The following ITGB8 variants were observed in gnomAD, a reference collection of about 807,000 sequenced individuals.
The protein encoded by ITGB8 is integrin subunit beta 8, also known as integrin beta-8.
Under a neutral mutation model 89.5 loss-of-function variants are expected in ITGB8, and 30 were observed. The ratio of observed to expected loss-of-function variants is 0.34; its 90% CI spans 0.25 to 0.45. ITGB8 has a LOEUF of 0.45. ITGB8 is among the 20% of genes least tolerant of loss of function. The pLI is 1.00. For synonymous variants in ITGB8, 335 were observed against 320.4 expected, an observed-to-expected ratio of 1.05 and a Z score of -0.49; for missense variants, 836 against 933.3, an observed-to-expected ratio of 0.90 and a Z score of 1.36.
chr7:20,341,268 A>G (rs1784745897), intron 1 of ITGB8, among the ~76,000 whole-genome samples: 1 of 152,220 alleles, frequency 6.6e-6, no homozygotes, highest in Non-Finnish European at 1.5e-5. Context: ...TCTAGAAATG[A>G]CAGATGGGGC....
intron 12 of ITGB8, 74 bp from the exon 13 acceptor site, chr7:20,409,541 C>T: frequency 2.1e-6 from 2 of 975,156 alleles, no homozygotes; most frequent in Middle Eastern, 3.3e-4. Flanking sequence ...GAAGTGTGAA[C>T]ATTATTTACT....
chr7:20,340,001 C>A (rs1300780173), intron 1 of ITGB8, among the ~76,000 whole-genome samples: 2 of 152,116 alleles, frequency 1.3e-5, no homozygotes, highest in Non-Finnish European at 2.9e-5. Flanking sequence ...GCACTCCAGT[C>A]TGGGAGAGAA....
At chr7:20,366,574 G>C (rs1181150958) in intron 2 of ITGB8, 5 of 156,428 alleles carry the variant, frequency 3.2e-5, no homozygotes, top group Non-Finnish European at 7.0e-5. Context: ...AGACCAGCCT[G>C]GCCAACATGG....
chr7:20,382,030 G>C (rs758218436), intron 6 of ITGB8, 145 bp downstream of exon 6: 1 of 653,086 alleles, frequency 1.5e-6, no homozygotes. Context: ...AGAATTTATG[G>C]AACAGTGCAA....
intron 7 of ITGB8, among the ~76,000 whole-genome samples, chr7:20,393,724 T>C (rs563702991): frequency 1.3e-5 from 2 of 152,298 alleles, no homozygotes; most frequent in South Asian, 4.2e-4. Flanking sequence ...CCTCTGTGCC[T>C]TTGTTCTTGC....
intron 1 of ITGB8, among the ~76,000 whole-genome samples, chr7:20,343,500 C>T (rs3807933): frequency 0.081 from 12,368 of 152,178 alleles, 641 homozygotes; most frequent in East Asian, 0.19. Context: ...TGTTATTCTA[C>T]AACAGGAATA....
chr7:20,410,554 T>C lies in ITGB8; in HGVS notation c.*557T>C, dbSNP rs1199119732. 6.6e-6 allele frequency: 1 copy of C among 152,366 alleles called. No individual in the cohort carries two copies. Among genetic ancestry groups the C allele is most frequent in the Non-Finnish European group, 1.5e-5 (1 of 68,146 alleles). 9.4% of individuals were successfully genotyped at this position (152,366 alleles called of 1,614,324 possible). A position where few individuals can be genotyped will look rare whatever the true frequency, so the allele number is the denominator to read the frequency against. On this transcript the variant is annotated 3_prime_UTR_variant, in exon 14 of 14. Coordinates refer to ENST00000222573, the MANE Select transcript of ITGB8 (RefSeq NM_002214.3). ...AGATACAACCTTAATCTTAAAAGATTATTGCTTTTTAAAGTGTGTAGTTTT... is the reference window on the plus strand; with the variant it reads ...AGATACAACCTTAATCTTAAAAGATCATTGCTTTTTAAAGTGTGTAGTTTT...
chr7:20,339,183 T>TC (rs992358291), intron 1 of ITGB8, among the ~76,000 whole-genome samples: 14 of 96,362 alleles, frequency 1.5e-4, no homozygotes, highest in South Asian at 4.9e-4. Flanking sequence ...AGAGCGAGAC[T>TC]CCATCTCGAA....
chr7:20,343,413 T>C (rs1024691922), intron 1 of ITGB8, among the ~76,000 whole-genome samples: 1 of 152,204 alleles, frequency 6.6e-6, no homozygotes, highest in Non-Finnish European at 1.5e-5. Flanking sequence ...CATCGTCCTG[T>C]TATCTGCTGC....
intron 9 of ITGB8, chr7:20,399,211 G>C: frequency 4.4e-6 from 2 of 457,326 alleles, no homozygotes; most frequent in South Asian, 8.0e-5. Flanking sequence ...ATATGTATAT[G>C]TGTGTGCGTG....
intron 1 of ITGB8, among the ~76,000 whole-genome samples, chr7:20,359,691 G>GT (rs375852258): frequency 6.6e-6 from 1 of 151,984 alleles, no homozygotes; most frequent in Non-Finnish European, 1.5e-5. Context: ...GTGTGTGTGT[G>GT]GGAGAGAGAG....
rs1298002860 is a variant in ITGB8, at chr7:20,411,705, A to C, written c.*1708A>C. On this transcript the variant is annotated 3_prime_UTR_variant, in exon 14 of 14. Transcript: ENST00000222573. Reference sequence around the variant, plus strand: ...AAAGTTCAAAGCAAAATAGAAAGGAATAATTCAAACTGAATTGTCCATAAT... The same window carrying C: ...AAAGTTCAAAGCAAAATAGAAAGGACTAATTCAAACTGAATTGTCCATAAT... The C allele has an allele frequency of 6.6e-6, 1 of 152,636 alleles. No individual in the cohort carries two copies. The highest frequency in any genetic ancestry group is 1.5e-5 in the Non-Finnish European group (1 of 68,040). The allele number at this position is 152,636 out of a possible 1,614,324, so 9.5% of individuals were successfully genotyped here.
intron 1 of ITGB8, among the ~76,000 whole-genome samples, chr7:20,349,385 C>T (rs1050234036): frequency 3.3e-5 from 5 of 151,298 alleles, no homozygotes; most frequent in South Asian, 2.1e-4. Flanking sequence ...TGGCCAAAAC[C>T]GCAATTACTT....
chr7:20,334,197 T>C (rs1376348002), intron 1 of ITGB8, among the ~76,000 whole-genome samples: 2 of 152,146 alleles, frequency 1.3e-5, no homozygotes, highest in African/African-American at 4.8e-5. Flanking sequence ...TAGCAAAAAT[T>C]ATAGCAGTTT....
intron 12 of ITGB8, among the ~76,000 whole-genome samples, chr7:20,407,146 T>G (rs1200747966): frequency 6.6e-6 from 1 of 152,132 alleles, no homozygotes; most frequent in African/African-American, 2.4e-5. Context: ...TGACAGCCAA[T>G]TTATTTGGAT....
At chr7:20,336,000 C>CTTTTTTTTTTTTT (rs201113693) in intron 1 of ITGB8, among the ~76,000 whole-genome samples, 1 of 96,396 alleles carries the variant, frequency 1.0e-5, no homozygotes, top group Non-Finnish European at 1.9e-5. Context: ...TCTTGGTTTT[C>CTTTTTTTTTTTTT]TTTTTTTTTT....
intron 1 of ITGB8, among the ~76,000 whole-genome samples, chr7:20,344,154 GCA>G (rs1784848925): frequency 6.6e-6 from 1 of 151,984 alleles, no homozygotes; most frequent in Non-Finnish European, 1.5e-5. Flanking sequence ...GTGCTGTGGG[GCA>G]GAGATGGGTG....
At chr7:20,390,065 C>G (rs1786792046) in intron 6 of ITGB8, among the ~76,000 whole-genome samples, 1 of 152,100 alleles carries the variant, frequency 6.6e-6, no homozygotes, top group South Asian at 2.1e-4. Context: ...ATAAGTGAAA[C>G]TAGTTAGTCT....
At position 20,379,182 on chromosome 7, in the gene ITGB8, T is replaced by C; in HGVS notation, c.520T>C (p.Ser174Pro). 6.2e-7 allele frequency: 1 copy of C among 1,612,806 alleles called. No individual in the cohort carries two copies. Among genetic ancestry groups the C allele is most frequent in the Non-Finnish European group, 8.5e-7 (1 of 1,179,354 alleles). The change falls in exon 4 of 14, where the codon TCT becomes CCT. Residue 174 changes from serine to proline, a missense_variant. Transcript: ENST00000222573. ...EKLNSVGNDL[S>P]RKMAFFSRDF... ...ATTAAATTCCGTTGGAAACGATTTA[T>C]CTAGAAAAATGGCATTTTTCTCCCG...
Sources: allele counts gnomAD v4.1 joint callset (sites outside exome capture counted in the v4.1 genomes callset), GRCh38; gene constraint gnomAD v4.1.1; transcripts MANE v1.5; gene names NCBI Gene and HGNC (gene_info 2026-07-23, HGNC 2026-07-21).